Variants in PDE1A observed in about 807,000 individuals in gnomAD.
PDE1A encodes dual specificity calcium/calmodulin-dependent 3',5'-cyclic nucleotide phosphodiesterase 1A.
PDE1A carries 35 observed loss-of-function variants against 61.7 expected under a neutral mutation model. The ratio of observed to expected loss-of-function variants is 0.57; its 90% CI spans 0.43 to 0.75. The LOEUF (loss-of-function observed/expected upper bound fraction) is 0.75. Among genes scored for constraint, PDE1A ranks in the 30% least tolerant of loss-of-function variants. The probability of loss-of-function intolerance (pLI) is 0.00; values close to 1 mark genes in which losing one functional copy is unlikely to be tolerated. For synonymous variants in PDE1A, 232 were observed against 213.2 expected, an observed-to-expected ratio of 1.09 and a Z score of -0.77; for missense variants, 597 against 630.6, an observed-to-expected ratio of 0.95 and a Z score of 0.57.
the PDE1A span, among the ~76,000 whole-genome samples, chr2:182,706,248 T>C: frequency 6.6e-6 from 1 of 152,208 alleles, no homozygotes; most frequent in Non-Finnish European, 1.5e-5. Context: ...GGACAGAGAA[T>C]GCTTGTCCTA....
downstream of PDE1A, among the ~76,000 whole-genome samples, chr2:182,146,639 C>T (rs551906860): frequency 1.3e-5 from 2 of 152,186 alleles, no homozygotes; most frequent in African/African-American, 4.8e-5. Context: ...TGCCTGCCAC[C>T]ACACCCAGCT....
In PDE1A at chr2:182,337,390, A is replaced by G. The variant is rs542771796; in HGVS notation, c.54-72976T>C. On this transcript the variant is annotated intron_variant, in intron 1 of 13. Transcript: ENST00000351439. ...ACATTATAATACAGAGTTATGTTCAATTTACCATCTAAATGGTAGAGTGTG... is the reference window on the plus strand; with the variant it reads ...ACATTATAATACAGAGTTATGTTCAGTTTACCATCTAAATGGTAGAGTGTG... 5.9e-5 allele frequency among the ~76,000 whole-genome samples: 9 copies of G among 152,338 alleles called. No homozygotes were observed. The East Asian group carries it at 1.5e-3, about 26-fold the overall frequency.
intron 2 of PDE1A, among the ~76,000 whole-genome samples, chr2:182,473,452 T>C (rs938828046): frequency 2.0e-5 from 3 of 151,890 alleles, no homozygotes; most frequent in African/African-American, 7.2e-5. Context: ...AACAACCCCA[T>C]CAAAAAGTGG....
chr2:182,563,209 C>T, the PDE1A span, among the ~76,000 whole-genome samples: 1 of 152,068 alleles, frequency 6.6e-6, no homozygotes, highest in Non-Finnish European at 1.5e-5. Flanking sequence ...ATAAATTTCC[C>T]TCTACACACT....
At chr2:182,670,825 G>A in the PDE1A span, among the ~76,000 whole-genome samples, 1 of 152,094 alleles carries the variant, frequency 6.6e-6, no homozygotes. Flanking sequence ...TTTTAGAGGG[G>A]AGGCGGGTGG....
At chr2:182,590,985 T>C in the PDE1A span, among the ~76,000 whole-genome samples, 3 of 152,316 alleles carry the variant, frequency 2.0e-5, no homozygotes, top group East Asian at 5.8e-4. Context: ...ACTATAACAA[T>C]GCCTCATACA....
the PDE1A span, among the ~76,000 whole-genome samples, chr2:182,626,528 T>G: frequency 1.3e-5 from 2 of 151,188 alleles, no homozygotes; most frequent in Non-Finnish European, 2.9e-5. Context: ...GTTTGTGATA[T>G]TAATCCTTAC....
chr2:182,593,359 A>G, the PDE1A span, among the ~76,000 whole-genome samples: 1 of 152,332 alleles, frequency 6.6e-6, no homozygotes, highest in Admixed American at 6.5e-5. Flanking sequence ...AGAATCAGAG[A>G]ACAGATATTG....
At chr2:182,265,794 C>A (rs1574196672) in intron 1 of PDE1A, among the ~76,000 whole-genome samples, 1 of 152,124 alleles carries the variant, frequency 6.6e-6, no homozygotes, top group Admixed American at 6.6e-5. Context: ...TCTCTCCATA[C>A]TACAGATAAG....
intron 10 of PDE1A, among the ~76,000 whole-genome samples, chr2:182,190,848 C>A (rs1304125331): frequency 2.0e-5 from 3 of 151,962 alleles, no homozygotes. Flanking sequence ...CCCAGCTACT[C>A]AGGAGGCTGA....
the PDE1A span, among the ~76,000 whole-genome samples, chr2:182,589,809 C>G: frequency 6.6e-6 from 1 of 152,202 alleles, no homozygotes; most frequent in African/African-American, 2.4e-5. Flanking sequence ...ATCAGTCCCA[C>G]AAGCCTGGTC....
intron 2 of PDE1A, among the ~76,000 whole-genome samples, chr2:182,481,073 G>T (rs1416008556): frequency 5.3e-5 from 8 of 151,756 alleles, no homozygotes; most frequent in Non-Finnish European, 1.2e-4. Flanking sequence ...TTTTACACCG[G>T]ATATAAGGGT....
chr2:182,615,185 A>G, the PDE1A span, among the ~76,000 whole-genome samples: 1 of 152,134 alleles, frequency 6.6e-6, no homozygotes, highest in Non-Finnish European at 1.5e-5. Flanking sequence ...TTCTACTTCC[A>G]TGGGAGTAAG....
At chr2:182,184,588 A>C (rs1685056376) in intron 13 of PDE1A, among the ~76,000 whole-genome samples, 1 of 152,208 alleles carries the variant, frequency 6.6e-6, no homozygotes, top group South Asian at 2.1e-4. Context: ...AAAGTACTCC[A>C]GTGTGAAGAG....
intron 1 of PDE1A, among the ~76,000 whole-genome samples, chr2:182,359,411 G>A (rs573616231): frequency 1.3e-5 from 2 of 152,190 alleles, no homozygotes; most frequent in South Asian, 2.1e-4. Flanking sequence ...ACTTTATAAC[G>A]TAAAACTGCT....
chr2:182,255,821 C>A (rs568192550), intron 2 of PDE1A, among the ~76,000 whole-genome samples: 22 of 151,840 alleles, frequency 1.4e-4, no homozygotes, highest in Admixed American at 3.9e-4. Context: ...GCGCACCTAG[C>A]TAATTTTTGT....
chr2:182,322,319 A>G (rs1225397064), intron 1 of PDE1A, among the ~76,000 whole-genome samples: 1 of 152,160 alleles, frequency 6.6e-6, no homozygotes, highest in Non-Finnish European at 1.5e-5. Flanking sequence ...CTCATCTCGA[A>G]TTGTAGCTCC....
At chr2:182,587,926 A>C in the PDE1A span, among the ~76,000 whole-genome samples, 1 of 152,224 alleles carries the variant, frequency 6.6e-6, no homozygotes, top group Non-Finnish European at 1.5e-5. Context: ...ACTTGATGTG[A>C]CTTTGAATAA....
intron 1 of PDE1A, among the ~76,000 whole-genome samples, chr2:182,300,934 G>A (rs1695201503): frequency 6.6e-6 from 1 of 152,166 alleles, no homozygotes; most frequent in Non-Finnish European, 1.5e-5. Flanking sequence ...CATAATCAGA[G>A]ACGAACTTGC....
Sources: gnomAD v4.1 joint callset for allele counts (sites outside exome capture counted in the v4.1 genomes callset) on GRCh38, gnomAD v4.1.1 for gene constraint, MANE v1.5 for transcripts, NCBI Gene and HGNC (gene_info 2026-07-23, HGNC 2026-07-21) for gene names.